Variants in OCA2 observed in about 807,000 individuals in gnomAD.
OCA2 encodes the protein OCA2 melanosomal transmembrane protein, also known as P protein.
Under a neutral mutation model 100.2 loss-of-function variants are expected in OCA2, and 77 were observed. The observed-to-expected ratio is 0.77, with a 90% CI of 0.64 to 0.93. The LOEUF is 0.93. Among genes scored for constraint, OCA2 ranks in the 40% least tolerant of loss-of-function variants. The pLI, the probability that OCA2 is intolerant of heterozygous loss-of-function variation, is 0.00. For synonymous variants in OCA2, 432 were observed against 439.2 expected (o/e 0.98, Z 0.21); for missense variants, 1,062 against 1,089.1 (o/e 0.98, Z 0.35).
chr15:27,933,718 G>A (rs1223251675), intron 18 of OCA2, among the ~76,000 whole-genome samples: 2 of 152,188 alleles, frequency 1.3e-5, no homozygotes, highest in Non-Finnish European at 2.9e-5. Flanking sequence ...GAAGAAGAAT[G>A]TCATGAGGTC....
intron 23 of OCA2, among the ~76,000 whole-genome samples, chr15:27,777,370 C>A (rs1354942344): frequency 1.3e-5 from 2 of 152,120 alleles, no homozygotes; most frequent in Non-Finnish European, 2.9e-5. Context: ...ACAGGGAGAT[C>A]CCCTGGTTTT....
chr15:27,956,075 C>A (rs185919837), intron 16 of OCA2, among the ~76,000 whole-genome samples: 1 of 152,106 alleles, frequency 6.6e-6, no homozygotes, highest in Non-Finnish European at 1.5e-5. Context: ...GCAGGACGGG[C>A]GTGGTGACTC....
At chr15:28,072,451 G>A (rs1328538087) in intron 2 of OCA2, among the ~76,000 whole-genome samples, 34 of 152,116 alleles carry the variant, frequency 2.2e-4, no homozygotes, top group Admixed American at 1.2e-3. Context: ...TTAGCTGGGC[G>A]TGGTGGCGGG....
At chr15:27,881,094 C>CT (rs796291724) in intron 19 of OCA2, among the ~76,000 whole-genome samples, 1 of 152,012 alleles carries the variant, frequency 6.6e-6, no homozygotes, top group East Asian at 1.9e-4. Context: ...TATCAAAGGC[C>CT]TTTTTTGTGT....
intron 19 of OCA2, among the ~76,000 whole-genome samples, chr15:27,891,582 A>C (rs1009330293): frequency 3.9e-5 from 6 of 152,228 alleles, no homozygotes; most frequent in African/African-American, 1.4e-4. Flanking sequence ...TAGATTACTT[A>C]TAGTACCTAA....
At chr15:27,841,148 A>C (rs2035326993) in intron 23 of OCA2, among the ~76,000 whole-genome samples, 1 of 152,236 alleles carries the variant, frequency 6.6e-6, no homozygotes, top group Non-Finnish European at 1.5e-5. Context: ...AAATACTGGC[A>C]TGTGAAACAA....
At chr15:27,903,643 T>C (rs1054102371) in intron 19 of OCA2, among the ~76,000 whole-genome samples, 11 of 152,094 alleles carry the variant, frequency 7.2e-5, no homozygotes, top group Non-Finnish European at 1.5e-4. Flanking sequence ...CAGGAGCGGG[T>C]CCCTGCGGCC....
chr15:28,049,670 C>A (rs2043449424), intron 2 of OCA2, among the ~76,000 whole-genome samples: 1 of 152,148 alleles, frequency 6.6e-6, no homozygotes, highest in Admixed American at 6.5e-5. Flanking sequence ...ATATGATGAA[C>A]CTTGAAAACA....
intron 23 of OCA2, among the ~76,000 whole-genome samples, chr15:27,808,516 C>T (rs1322174099): frequency 6.6e-6 from 1 of 152,176 alleles, no homozygotes; most frequent in East Asian, 1.9e-4. Flanking sequence ...AACCACATGG[C>T]AGAAATTCTA....
chr15:27,846,127 G>C (rs954731198), intron 22 of OCA2, among the ~76,000 whole-genome samples: 3 of 152,164 alleles, frequency 2.0e-5, no homozygotes, highest in African/African-American at 4.8e-5. Flanking sequence ...GAAAGGCCTG[G>C]AGCAGCTGCG....
At chr15:27,722,649 C>CCTTCTT in the OCA2 span, among the ~76,000 whole-genome samples, 3 of 139,220 alleles carry the variant, frequency 2.2e-5, no homozygotes, top group Non-Finnish European at 3.1e-5. Flanking sequence ...TTCCTTCCTT[C>CCTTCTT]TTTTCTCTCT....
chr15:27,721,569 T>C, the OCA2 span, among the ~76,000 whole-genome samples: 2 of 152,234 alleles, frequency 1.3e-5, no homozygotes, highest in East Asian at 3.8e-4. Flanking sequence ...ACTACTCCTT[T>C]ACTACCTTCA....
intron 18 of OCA2, among the ~76,000 whole-genome samples, chr15:27,938,449 A>G (rs1339252405): frequency 6.6e-6 from 1 of 152,228 alleles, no homozygotes; most frequent in Admixed American, 6.5e-5. Flanking sequence ...TTTCATCAGC[A>G]AAAGTGTTTC....
At chr15:27,741,174 C>T in the OCA2 span, among the ~76,000 whole-genome samples, 3 of 152,196 alleles carry the variant, frequency 2.0e-5, no homozygotes, top group Non-Finnish European at 4.4e-5. Context: ...AATATAACTA[C>T]GACTTCACCA....
At chr15:28,027,334 G>A (rs1238578276) in intron 4 of OCA2, among the ~76,000 whole-genome samples, 1 of 152,068 alleles carries the variant, frequency 6.6e-6, no homozygotes, top group Non-Finnish European at 1.5e-5. Context: ...ATGCAACTCT[G>A]CTTCCCCAAG....
intron 17 of OCA2, among the ~76,000 whole-genome samples, chr15:27,952,230 G>T (rs1425963046): frequency 6.6e-6 from 1 of 152,232 alleles, no homozygotes; most frequent in African/African-American, 2.4e-5. Context: ...CCAAGCATGC[G>T]GGTGGGGCCA....
intron 23 of OCA2, among the ~76,000 whole-genome samples, chr15:27,814,715 CAAG>C (rs1432158231): frequency 6.6e-6 from 1 of 152,036 alleles, no homozygotes; most frequent in Non-Finnish European, 1.5e-5. Flanking sequence ...CCATCTCTAC[CAAG>C]AATACAAAAA....
intron 23 of OCA2, among the ~76,000 whole-genome samples, chr15:27,806,429 T>C (rs1201510043): frequency 6.6e-6 from 1 of 152,136 alleles, no homozygotes; most frequent in Non-Finnish European, 1.5e-5. Flanking sequence ...TGGGCGAGCT[T>C]GGGGAGTAAG....
chr15:27,983,439 GC>G lies in OCA2; in HGVS notation c.1408del (p.Ala470GlnfsTer3), dbSNP rs2041236019. The G allele has an allele frequency of 6.2e-7, 1 of 1,614,210 alleles. No individual in the cohort carries two copies. The highest frequency in any genetic ancestry group is 8.5e-7 in the Non-Finnish European group (1 of 1,180,026). On this transcript the variant is annotated frameshift_variant, in exon 14 of 24. Transcript: ENST00000354638. LOFTEE classifies it high-confidence loss of function. Reference sequence around the variant, plus strand: ...TCCAATGTTTGTGAAGATCACTTCTGCAATCAGGACTTGTCTTGGATCAAGG... The same window carrying G: ...TCCAATGTTTGTGAAGATCACTTCTGAATCAGGACTTGTCTTGGATCAAGG... Reference protein sequence around the residue: ...LNLDPRQVLIAEVIFTNIGGA... With the variant: ...LNLDPRQVLIXEVIFTNIGGA...
Sources: allele counts gnomAD v4.1 joint callset (sites outside exome capture counted in the v4.1 genomes callset), GRCh38; gene constraint gnomAD v4.1.1; transcripts MANE v1.5; gene names NCBI Gene and HGNC (gene_info 2026-07-23, HGNC 2026-07-21).